TTC16: variants seen among roughly 807,000 people sequenced by gnomAD.
TTC16 encodes tetratricopeptide repeat domain 16, also known as tetratricopeptide repeat protein 16.
TTC16 carries 66 observed loss-of-function variants against 80.4 expected under a neutral mutation model. That is an observed-to-expected ratio of 0.82 (90% CI 0.67 to 1.01). The LOEUF is 1.01. TTC16 is among the 50% of genes least tolerant of loss of function. TTC16 has a pLI of 0.00. For missense variants in TTC16, 1,070 were observed against 1,103.2 expected, an observed-to-expected ratio of 0.97 and a Z score of 0.43; for synonymous variants, 438 against 451.3, an observed-to-expected ratio of 0.97 and a Z score of 0.37.
Position 127,716,119 on chromosome 9 carries a change from C to T in TTC16, c.-27C>T. 1 of 1,613,934 alleles carries T rather than the reference C, an allele frequency of 6.2e-7. No individual in the cohort carries two copies. Among genetic ancestry groups the T allele is most frequent in the Non-Finnish European group, 8.5e-7 (1 of 1,180,004 alleles). On this transcript the variant is annotated 5_prime_UTR_variant, in exon 1 of 14. Coordinates refer to ENST00000373289, the MANE Select transcript of TTC16 (RefSeq NM_144965.3). The stretch of plus-strand genomic sequence containing the variant: ...AGGGCCGCGAGGTAGTTGGCAGAGG[C>T]CTCGGGGTCCTCCTGGAAGGGGCCT...
chr9:127,727,633 T>C (rs1464954108), intron 12 of TTC16, 168 bp downstream of exon 12: 2 of 1,357,908 alleles, frequency 1.5e-6, no homozygotes, highest in East Asian at 5.1e-5. Flanking sequence ...ATGGGGATGG[T>C]ACCAGCAAGG....
Position 127,724,374 on chromosome 9 carries a change from G to A in TTC16, c.1117+10G>A, listed in dbSNP as rs754511468. On this transcript the variant is annotated intron_variant, in intron 8 of 13. Transcript: ENST00000373289. ...TACATCAACCGAGGCGGTGCGCAGCGACCAGGGCACTGGGGAGGGGGGGTG... is the reference window on the plus strand; with the variant it reads ...TACATCAACCGAGGCGGTGCGCAGCAACCAGGGCACTGGGGAGGGGGGGTG... The A allele has an allele frequency of 2.5e-6, 4 of 1,589,222 alleles. No individual in the cohort carries two copies. Among genetic ancestry groups the A allele is most frequent in the South Asian group, 2.2e-5 (2 of 90,284 alleles).
rs116805250 is a variant in TTC16 at position 127,730,115 on chromosome 9, A to G, written c.1852+447A>G. 3.0e-3 allele frequency: 664 copies of G among 217,960 alleles called. 5 individuals are homozygous for G. Among genetic ancestry groups the G allele is most frequent in the African/African-American group, 0.014 (595 of 43,498 alleles). The allele number at this position is 217,960 out of a possible 1,614,324, so 13.5% of individuals were successfully genotyped here. A position where few individuals can be genotyped will look rare whatever the true frequency, so the allele number is the denominator to read the frequency against. On this transcript the variant is annotated intron_variant, in intron 13 of 13. Coordinates refer to ENST00000373289, the MANE Select transcript of TTC16 (RefSeq NM_144965.3). Reference sequence around the variant, plus strand: ...TTTTGTGAATCCAGCAAACTCCCCAAGTGCCCTGGGCCAGGCCTGTGCTCA... The same window carrying G: ...TTTTGTGAATCCAGCAAACTCCCCAGGTGCCCTGGGCCAGGCCTGTGCTCA...
Position 127,729,641 on chromosome 9 carries a change from C to G in TTC16, c.1825C>G (p.Gln609Glu). The part of the protein sequence containing the change: ...VASLSDSYLD[Q>E]TSSASSMSFR... The stretch of plus-strand genomic sequence containing the variant: ...GTCCCTGTCTGACAGCTACCTTGAC[C>G]AGACCTCTTCAGCCTCCAGCATGAG... Residue 609 changes from glutamine (Q) to glutamate (E), a missense_variant, in exon 13 of 14, where the codon CAG becomes GAG. Transcript: ENST00000373289. 1 of 1,613,700 alleles carries G rather than the reference C, an allele frequency of 6.2e-7. No individual in the cohort carries two copies. The highest frequency in any genetic ancestry group is 8.5e-7 in the Non-Finnish European group (1 of 1,179,992).
chr9:127,717,697 C>G lies in TTC16; in HGVS notation c.351C>G (p.Asn117Lys). Residue 117 changes from asparagine (N) to lysine (K), a missense_variant, in exon 4 of 14, where the codon AAC becomes AAG. By Grantham distance (94) the Asn-to-Lys change is moderately conservative. Transcript: ENST00000373289. ...QLCDFSSAAQ[N>K]LRRAYSLQQD... is the part of the protein sequence containing the mutation. ...GTGACTTCTCCTCGGCCGCCCAGAACCTGCGAAGGGCCTACTCATTACAGC... is the reference window on the plus strand; with the variant it reads ...GTGACTTCTCCTCGGCCGCCCAGAAGCTGCGAAGGGCCTACTCATTACAGC... 1 of 1,614,020 alleles carries G rather than the reference C, an allele frequency of 6.2e-7. No homozygotes were observed. The highest frequency in any genetic ancestry group is 2.2e-5 in the East Asian group (1 of 44,884).
chr9:127,720,255 T>C lies in TTC16; in HGVS notation c.528-11T>C, dbSNP rs758013315. 8.7e-6 allele frequency: 14 copies of C among 1,613,256 alleles called. No homozygotes were observed. The East Asian group carries it at 2.9e-4, about 33-fold the overall frequency. On this transcript the variant is annotated splice_polypyrimidine_tract_variant and intron_variant, in intron 5 of 13. Transcript: ENST00000373289. ...CCCGGGAAACGAGCACTCTGTGCCC[T>C]CTGCCCTCAGCATGGCCTGTCTCCT...
Position 127,724,887 on chromosome 9 carries a change from C to A in TTC16, c.1249C>A (p.Gln417Lys). 2 of 1,548,212 alleles carry A rather than the reference C, an allele frequency of 1.3e-6. No homozygotes were observed. The highest frequency in any genetic ancestry group is 8.7e-7 in the Non-Finnish European group (1 of 1,150,404). ...LLQEKMGFCE[Q>K]RRKQFQKAEN... ...GCAGGAGAAGATGGGCTTCTGCGAG[C>A]AGAGGCGCAAGTGCGTGGGCTCCCG... The change falls in exon 9 of 14, where the codon CAG becomes AAG. Residue 417 changes from glutamine to lysine, a missense_variant. Physicochemically the swap from Gln to Lys is moderately conservative, Grantham distance 53 (BLOSUM62 1). Coordinates refer to ENST00000373289, the MANE Select transcript of TTC16 (RefSeq NM_144965.3).
At chr9:127,729,348 A>C in intron 12 of TTC16, 1 of 499,668 alleles carries the variant, frequency 2.0e-6, no homozygotes, top group Non-Finnish European at 3.6e-6. Flanking sequence ...CCAAGGCGCT[A>C]GCAGCTCCTT....
rs1843251326 is a variant in TTC16, at chr9:127,718,959, TC to T, written c.427-1116del. Among the ~76,000 whole-genome samples the T allele has an allele frequency of 2.0e-5, 3 of 147,246 alleles. No homozygotes were observed. On this transcript the variant is annotated intron_variant, in intron 4 of 13. Coordinates refer to ENST00000373289, the MANE Select transcript of TTC16 (RefSeq NM_144965.3). The surrounding 1 kb of genome is among the most constrained non-coding windows in gnomAD (Gnocchi z 4.6). ...CGGGCACGGTGGCTCACGCCTGTAA[TC>T]CCAGCACTTTGGGAGGCCGAGTTGG...
At chr9:127,716,465 G>A (rs905404993) in intron 1 of TTC16, 2 of 559,082 alleles carry the variant, frequency 3.6e-6, no homozygotes, top group African/African-American at 1.9e-5. Flanking sequence ...GGTCCTGAAG[G>A]TTACCCAAGG....
intron 6 of TTC16, among the ~76,000 whole-genome samples, chr9:127,721,752 G>A (rs1843530342): frequency 1.3e-5 from 2 of 152,166 alleles, no homozygotes; most frequent in Non-Finnish European, 2.9e-5. Context: ...CACCTAGGCT[G>A]GAGTGCAGTG....
chr9:127,720,811 CTTCT>C (rs1319592283), intron 6 of TTC16, among the ~76,000 whole-genome samples: 1 of 135,034 alleles, frequency 7.4e-6, no homozygotes, highest in African/African-American at 2.8e-5. Flanking sequence ...TTCCTCCCTC[CTTCT>C]TTCTTCCCTC....
rs140724567 is a variant in TTC16 at position 127,720,319 on chromosome 9, C to A, written c.581C>A (p.Thr194Asn). The change falls in exon 6 of 14, where the codon ACC (threonine) becomes AAC (asparagine). Residue 194 changes from threonine (T) to asparagine (N), a missense_variant. Thr to Asn is a moderately conservative substitution (Grantham distance 65, BLOSUM62 0). Transcript: ENST00000373289. Reference sequence around the variant, plus strand: ...CATCAGGCCTGCCTCACGCTCATCACCAACGAGCTGAAGCAGGACACCACC... The same window carrying A: ...CATCAGGCCTGCCTCACGCTCATCAACAACGAGCTGAAGCAGGACACCACC... ...KQHQACLTLI[T>N]NELKQDTTNA... The A allele has an allele frequency of 1.9e-6, 3 of 1,613,414 alleles. No individual in the cohort carries two copies. Among genetic ancestry groups the A allele is most frequent in the African/African-American group, 2.7e-5 (2 of 74,918 alleles).
intron 12 of TTC16, chr9:127,729,322 T>C: frequency 2.3e-6 from 1 of 440,394 alleles, no homozygotes; most frequent in Non-Finnish European, 4.1e-6. Context: ...AATTTTCATT[T>C]TGCAGTTGAA....
Position 127,730,700 on chromosome 9 carries a change from A to G in TTC16, c.1917A>G (p.Ser639=). 1.9e-6 allele frequency: 3 copies of G among 1,613,358 alleles called. No individual in the cohort carries two copies. Among genetic ancestry groups the G allele is most frequent in the Non-Finnish European group, 2.5e-6 (3 of 1,180,040 alleles). Residue 639 remains serine (S), a synonymous_variant, in exon 14 of 14, where the codon TCA becomes TCG. Coordinates refer to ENST00000373289, the MANE Select transcript of TTC16 (RefSeq NM_144965.3). The part of the protein sequence containing the change: ...SAICQEYRST[S]ATAVTFSDSS... The stretch of plus-strand genomic sequence containing the variant: ...TCTGCCAGGAATACAGGAGCACCTC[A>G]GCCACCGCCGTGACATTCTCTGACT...
chr9:127,726,351 G>C lies in TTC16; in HGVS notation c.1372G>C (p.Gly458Arg). Residue 458 changes from glycine (G) to arginine (R), a missense_variant, in exon 10 of 14, where the codon GGG becomes CGG. By Grantham distance (125) the Gly-to-Arg change is moderately radical. Transcript: ENST00000373289. ...CCGGCAGCTGCTGCAGAACATTTTTGGGGCCCGCCAGGATGTGGCCACTGT... is the reference window on the plus strand; with the variant it reads ...CCGGCAGCTGCTGCAGAACATTTTTCGGGCCCGCCAGGATGTGGCCACTGT... ...KSRQLLQNIF[G>R]ARQDVATVLL... 1 of 1,612,172 alleles carries C rather than the reference G, an allele frequency of 6.2e-7. No homozygotes were observed. Among genetic ancestry groups the C allele is most frequent in the South Asian group, 1.1e-5 (1 of 90,938 alleles).
At chr9:127,730,394 C>G (rs1025987488) in intron 13 of TTC16, 1 of 569,624 alleles carries the variant, frequency 1.8e-6, no homozygotes, top group Non-Finnish European at 3.1e-6. Context: ...GCAGGGGCAG[C>G]CACAGAGCAG....
At chr9:127,729,911 C>A in intron 13 of TTC16, 1 of 516,450 alleles carries the variant, frequency 1.9e-6, no homozygotes, top group East Asian at 3.4e-5. Context: ...CTAGCCCTGT[C>A]CCTGAAATAA....
chr9:127,716,231 A>G, intron 1 of TTC16, 68 bp downstream of exon 1: 1 of 1,611,078 alleles, frequency 6.2e-7, no homozygotes, highest in Non-Finnish European at 8.5e-7. Context: ...CTGGGTTCGC[A>G]GGAAAGGGTG....
Sources: allele counts gnomAD v4.1 joint callset (sites outside exome capture counted in the v4.1 genomes callset), GRCh38; gene constraint gnomAD v4.1.1; non-coding constraint Gnocchi (gnomAD v3.1); transcripts MANE v1.5; gene names NCBI Gene and HGNC (gene_info 2026-07-23, HGNC 2026-07-21).